Variants in JMJD1C observed in about 807,000 individuals in gnomAD.
JMJD1C encodes the protein jumonji domain-containing protein 1C.
Under a neutral mutation model 245.3 loss-of-function variants are expected in JMJD1C, and 31 were observed. That is an observed-to-expected ratio of 0.13 (90% CI 0.09 to 0.17). JMJD1C has a LOEUF of 0.17. Among genes scored for constraint, JMJD1C ranks in the 10% least tolerant of loss-of-function variants. JMJD1C has a pLI of 1.00. For synonymous variants in JMJD1C, 1,057 were observed against 1,017.4 expected (o/e 1.04, Z -0.74); for missense variants, 2,691 against 3,000.2 (o/e 0.90, Z 2.41).
chr10:63,365,894 T>C (rs911880277), intron 2 of JMJD1C, among the ~76,000 whole-genome samples: 1 of 152,226 alleles, frequency 6.6e-6, no homozygotes, highest in Non-Finnish European at 1.5e-5. Flanking sequence ...ACTAGGCCTC[T>C]GGCATGTCTT....
chr10:63,466,139 AGGCGGCGGC>A (rs3841602), upstream of JMJD1C: 1,107 of 177,044 alleles, frequency 6.3e-3, 12 homozygotes, highest in African/African-American at 0.025. Flanking sequence ...CCAGATCCAG[AGGCGGCGGC>A]GGCGGCGGCA....
intron 1 of JMJD1C, among the ~76,000 whole-genome samples, chr10:63,416,999 A>G (rs1564897857): frequency 6.6e-6 from 1 of 152,206 alleles, no homozygotes; most frequent in Non-Finnish European, 1.5e-5. Flanking sequence ...ATACAGAATC[A>G]CTTTGCAACT....
chr10:63,415,024 C>T (rs1235739074), intron 1 of JMJD1C, among the ~76,000 whole-genome samples: 3 of 151,752 alleles, frequency 2.0e-5, no homozygotes, highest in East Asian at 1.9e-4. Flanking sequence ...AATTTAAGTG[C>T]ATTTTTGCTT....
At chr10:63,252,767 G>C (rs1432630123) in intron 3 of JMJD1C, among the ~76,000 whole-genome samples, 1 of 152,172 alleles carries the variant, frequency 6.6e-6, no homozygotes, top group Non-Finnish European at 1.5e-5. Context: ...TCCCCCATCA[G>C]CTGATTCTAT....
rs1269697533 is a variant in JMJD1C, at chr10:63,264,750, C to G, written c.348G>C (p.Leu116=). 10 of 1,566,722 alleles carry G rather than the reference C, an allele frequency of 6.4e-6. No individual in the cohort carries two copies. Among genetic ancestry groups the G allele is most frequent in the Non-Finnish European group, 8.7e-6 (10 of 1,154,556 alleles). Residue 116 remains leucine, a synonymous_variant, in exon 3 of 26, where the codon CTG becomes CTC. Transcript: ENST00000399262. ...CTGAACTGGGTATATTTCTTTCAACCAGAGGTTTGAAAGTCTGCCAAGAAA... is the reference window on the plus strand; with the variant it reads ...CTGAACTGGGTATATTTCTTTCAACGAGAGGTTTGAAAGTCTGCCAAGAAA... ...IQWPALTFKP[L]VERNIPSSVT...
At position 63,189,500 on chromosome 10, in the gene JMJD1C, C is replaced by T. The variant is rs150004803; in HGVS notation, c.6292-54G>A. 7.1e-4 allele frequency: 1,042 copies of T among 1,458,534 alleles called. 7 individuals are homozygous for T. In the African/African-American group the frequency reaches 0.014, roughly 19 times the overall value. The allele number at this position is 1,458,534 out of a possible 1,614,324, so 90.3% of individuals were successfully genotyped here. On this transcript the variant is annotated intron_variant, in intron 17 of 25. Transcript: ENST00000399262. ...ACCTGTTTTTGAGAGAAATCAAATA[C>T]ATTTTCCTCCCACAGACTTATTTTT...
chr10:63,437,788 A>G (rs944274666), intron 1 of JMJD1C, among the ~76,000 whole-genome samples: 1 of 152,218 alleles, frequency 6.6e-6, no homozygotes, highest in African/African-American at 2.4e-5. Flanking sequence ...CTAAAACTGA[A>G]TTGTAGATTC....
intron 23 of JMJD1C, chr10:63,176,846 A>G (rs1842904174): frequency 6.9e-6 from 1 of 144,952 alleles, no homozygotes; most frequent in African/African-American, 2.9e-5. Flanking sequence ...ATTCATATGT[A>G]TGGATTTCAT....
In JMJD1C at chr10:63,260,023, T is replaced by C. The variant is rs539976173; in HGVS notation, c.447+4628A>G. ...TTCAAGTGATTCTCTTGCCTCAGCC[T>C]CCAGAGTAGCTGGGATCCAGAACTT... On this transcript the variant is annotated intron_variant, in intron 3 of 25. Coordinates refer to ENST00000399262, the MANE Select transcript of JMJD1C (RefSeq NM_032776.3). Among the ~76,000 whole-genome samples the C allele has an allele frequency of 2.6e-5, 4 of 152,260 alleles. No individual in the cohort carries two copies. In the South Asian group the frequency reaches 8.3e-4, roughly 32 times the overall value.
At chr10:63,315,072 G>A (rs568431882) in intron 2 of JMJD1C, among the ~76,000 whole-genome samples, 1 of 151,214 alleles carries the variant, frequency 6.6e-6, no homozygotes, top group Non-Finnish European at 1.5e-5. Flanking sequence ...CCCTGCCTCA[G>A]CCTCCCAAGT....
intron 1 of JMJD1C, among the ~76,000 whole-genome samples, chr10:63,484,064 T>C (rs1389876630): frequency 1.3e-5 from 2 of 152,176 alleles, no homozygotes; most frequent in African/African-American, 2.4e-5. Context: ...CATGCCTAAG[T>C]TATGAACATG....
chr10:63,222,627 T>G, intron 3 of JMJD1C: 1 of 1,582,088 alleles, frequency 6.3e-7, no homozygotes, highest in Non-Finnish European at 8.7e-7. Flanking sequence ...GCTGAATTTT[T>G]GGACATAATT....
chr10:63,497,251 G>GT (rs2133236847), intron 1 of JMJD1C, among the ~76,000 whole-genome samples: 1 of 151,876 alleles, frequency 6.6e-6, no homozygotes, highest in African/African-American at 2.4e-5. Flanking sequence ...AGCATTATTC[G>GT]TAACAGCCAA....
At chr10:63,260,526 G>A (rs560049976) in intron 3 of JMJD1C, among the ~76,000 whole-genome samples, 1 of 151,632 alleles carries the variant, frequency 6.6e-6, no homozygotes, top group Non-Finnish European at 1.5e-5. Context: ...AAGTTTTTTT[G>A]AACTTCTATA....
At chr10:63,274,078 A>G (rs1294212050) in intron 2 of JMJD1C, among the ~76,000 whole-genome samples, 1 of 152,222 alleles carries the variant, frequency 6.6e-6, no homozygotes, top group Non-Finnish European at 1.5e-5. Flanking sequence ...TGATCTAGCA[A>G]TATAAATATT....
chr10:63,300,350 A>C lies in JMJD1C; in HGVS notation c.334-35586T>G, dbSNP rs112101088. Among the ~76,000 whole-genome samples the C allele has an allele frequency of 3.1e-3, 468 of 152,292 alleles. 1 individual carries two copies. The highest frequency in any genetic ancestry group is 4.8e-3 in the Non-Finnish European group (329 of 68,032). ...GATGAAAATATTTGTACCAAAAGAA[A>C]GGGAAGCTATCTTTGTTTGTCTAGA... On this transcript the variant is annotated intron_variant, in intron 2 of 25. Transcript: ENST00000399262.
At chr10:63,515,596 T>C (rs1954992750) in intron 1 of JMJD1C, among the ~76,000 whole-genome samples, 1 of 152,186 alleles carries the variant, frequency 6.6e-6, no homozygotes, top group South Asian at 2.1e-4. Context: ...GCTTCAGTAG[T>C]TGTGATTCTC....
chr10:63,254,201 A>C (rs1372222368), intron 3 of JMJD1C, among the ~76,000 whole-genome samples: 1 of 152,208 alleles, frequency 6.6e-6, no homozygotes, highest in Non-Finnish European at 1.5e-5. Flanking sequence ...AAACAAACAA[A>C]CAAACAAACA....
intron 2 of JMJD1C, among the ~76,000 whole-genome samples, chr10:63,329,479 A>G (rs1187461053): frequency 2.0e-4 from 1 of 4,984 alleles, no homozygotes; most frequent in Non-Finnish European, 5.4e-4. Flanking sequence ...CCATCAATTG[A>G]AAAAAAAAAA....
Sources: gnomAD v4.1 joint callset for allele counts (sites outside exome capture counted in the v4.1 genomes callset) on GRCh38, gnomAD v4.1.1 for gene constraint, MANE v1.5 for transcripts, NCBI Gene and HGNC (gene_info 2026-07-23, HGNC 2026-07-21) for gene names.